Variants in TENT4B observed in about 807,000 individuals in gnomAD.
TENT4B encodes the protein terminal nucleotidyltransferase 4B, also known as PAP associated domain containing 5.
In TENT4B, 10 loss-of-function variants were observed where a neutral mutation model predicts 75.0. The observed-to-expected ratio is 0.13, with a 90% confidence interval of 0.08 to 0.23. TENT4B has a LOEUF of 0.23. Among genes scored for constraint, TENT4B ranks in the 10% least tolerant of loss-of-function variants. TENT4B has a pLI of 1.00. For missense variants in TENT4B, 579 were observed against 893.8 expected (o/e 0.65, Z 4.49); for synonymous variants, 350 against 357.7 (o/e 0.98, Z 0.24).
chr16:50,229,877 TTAA>T lies in TENT4B; in HGVS notation c.*555_*557del, dbSNP rs1415735692. 21 of 912,232 alleles carry T rather than the reference TTAA, an allele frequency of 2.3e-5. No individual in the cohort carries two copies. The highest frequency in any genetic ancestry group is 1.0e-4 in the South Asian group (2 of 19,778). 56.5% of individuals were successfully genotyped at this position (912,232 alleles called of 1,614,324 possible). A position where few individuals can be genotyped will look rare whatever the true frequency, so the allele number is the denominator to read the frequency against. On this transcript the variant is annotated 3_prime_UTR_variant, in exon 12 of 12. Coordinates refer to ENST00000561678, the MANE Select transcript of TENT4B (RefSeq NM_001365324.3). ...ATTGATATTTGTAATAGTGGATTTG[TTAA>T]TAATACTTTTTACATAACATTACTG...
chr16:50,222,691 A>G (rs1240808472), intron 6 of TENT4B, among the ~76,000 whole-genome samples: 3 of 152,236 alleles, frequency 2.0e-5, no homozygotes, highest in African/African-American at 7.2e-5. Context: ...AAATTTTAAC[A>G]TGCAAAATGT....
chr16:50,222,323 A>G lies in TENT4B; in HGVS notation c.1056A>G (p.Pro352=), dbSNP rs758833370. ...KDFTKKYPVL[P]YLVLVLKQFL... ...TTTTTCAGAAATATCCTGTATTGCC[A>G]TACTTGGTTTTAGTATTGAAACAAT... Residue 352 remains proline (P), a synonymous_variant, in exon 6 of 12, where the codon CCA becomes CCG. Transcript: ENST00000561678. 2.9e-5 allele frequency: 46 copies of G among 1,601,752 alleles called. No homozygotes were observed. Among genetic ancestry groups the G allele is most frequent in the Middle Eastern group, 3.3e-4 (2 of 6,062 alleles).
chr16:50,219,614 A>G (rs570324293), intron 5 of TENT4B, among the ~76,000 whole-genome samples: 26 of 152,326 alleles, frequency 1.7e-4, no homozygotes, highest in South Asian at 8.3e-4. Context: ...ATATCCAGAT[A>G]AAATTCTGTT....
intron 1 of TENT4B, among the ~76,000 whole-genome samples, chr16:50,155,272 G>GGTGTGTGTGTGT (rs60683678): frequency 0.048 from 6,539 of 135,364 alleles, 214 homozygotes; most frequent in South Asian, 0.055. Flanking sequence ...GGGTCTCGTG[G>GGTGTGTGTGTGT]GTGTGTGTGT....
rs1392569588 is a variant in TENT4B at position 50,232,319 on chromosome 16, T to C, written c.*2991T>C. 5 of 985,332 alleles carry C rather than the reference T, an allele frequency of 5.1e-6. No homozygotes were observed. Among genetic ancestry groups the C allele is most frequent in the Non-Finnish European group, 6.0e-6 (5 of 829,940 alleles). The allele number at this position is 985,332 out of a possible 1,614,324, so 61.0% of individuals were successfully genotyped here. Reference sequence around the variant, plus strand: ...TTTTACAAGTAATTGCCCTCCAGTCTTCAACAGTTGATTCTGTTTTATTTT... The same window carrying C: ...TTTTACAAGTAATTGCCCTCCAGTCCTCAACAGTTGATTCTGTTTTATTTT... On this transcript the variant is annotated 3_prime_UTR_variant, in exon 12 of 12. Coordinates refer to ENST00000561678, the MANE Select transcript of TENT4B (RefSeq NM_001365324.3).
chr16:50,224,638 AC>A lies in TENT4B; in HGVS notation c.1382-18del. ...TAAGCACAGTCAGGCTTACTATGTT[AC>A]GTATATTTCTTTTAAAGGTAACGAT... is the stretch of plus-strand genomic sequence containing the variant. On this transcript the variant is annotated intron_variant, in intron 7 of 11. Coordinates refer to ENST00000561678, the MANE Select transcript of TENT4B (RefSeq NM_001365324.3). The A allele has an allele frequency of 6.2e-7, 1 of 1,613,620 alleles. No homozygotes were observed. The highest frequency in any genetic ancestry group is 8.5e-7 in the Non-Finnish European group (1 of 1,179,804).
At chr16:50,205,996 AT>A (rs529574931) in intron 1 of TENT4B, among the ~76,000 whole-genome samples, 148 of 152,044 alleles carry the variant, frequency 9.7e-4, no homozygotes, top group African/African-American at 3.3e-3. Context: ...ATATAGCTTT[AT>A]TTTTTTAAGA....
At chr16:50,155,272 G>GGTGTGTGTGTGTGTGT (rs60683678) in intron 1 of TENT4B, among the ~76,000 whole-genome samples, 3,260 of 135,426 alleles carry the variant, frequency 0.024, 101 homozygotes, top group South Asian at 0.032. Context: ...GGGTCTCGTG[G>GGTGTGTGTGTGTGTGT]GTGTGTGTGT....
chr16:50,178,877 AGGTGGATGGT>A (rs2038358266), intron 1 of TENT4B, among the ~76,000 whole-genome samples: 1 of 152,102 alleles, frequency 6.6e-6, no homozygotes, highest in African/African-American at 2.4e-5. Context: ...AAAGTTATGG[AGGTGGATGGT>A]GGTGAGGATT....
At position 50,153,519 on chromosome 16, in the gene TENT4B, G is replaced by GGCA. The variant is rs1555506603; in HGVS notation, c.-88_-86dup. ...CAGCAGCAGCAGCAGCGGCAGCAGC[G>GGCA]GCAGCAGCAGCAGCAGCCGAGGCCG... On this transcript the variant is annotated 5_prime_UTR_variant, in exon 1 of 12. Coordinates refer to ENST00000561678, the MANE Select transcript of TENT4B (RefSeq NM_001365324.3). The GGCA allele has an allele frequency of 3.3e-5, 28 of 842,448 alleles. No homozygotes were observed. Among genetic ancestry groups the GGCA allele is most frequent in the Middle Eastern group, 6.1e-4 (1 of 1,650 alleles). The allele number at this position is 842,448 out of a possible 1,614,324, so 52.2% of individuals were successfully genotyped here.
intron 1 of TENT4B, among the ~76,000 whole-genome samples, chr16:50,202,424 A>G (rs2150724007): frequency 6.6e-6 from 1 of 152,356 alleles, no homozygotes. Flanking sequence ...CATTATTAAT[A>G]TTTAAGAATA....
intron 1 of TENT4B, among the ~76,000 whole-genome samples, chr16:50,197,570 T>C (rs149253298): frequency 1.4e-4 from 21 of 152,314 alleles, no homozygotes; most frequent in Admixed American, 3.9e-4. Context: ...ATTACAGGCG[T>C]GAGCCACCAT....
chr16:50,209,198 A>G (rs913691280), intron 1 of TENT4B, among the ~76,000 whole-genome samples: 7 of 152,184 alleles, frequency 4.6e-5, no homozygotes, highest in Non-Finnish European at 7.3e-5. Flanking sequence ...CAGTTTTTCT[A>G]TGGATCTGCT....
At chr16:50,163,181 A>C (rs1290412389) in intron 1 of TENT4B, among the ~76,000 whole-genome samples, 2 of 152,228 alleles carry the variant, frequency 1.3e-5, no homozygotes, top group Non-Finnish European at 2.9e-5. Flanking sequence ...AGCAAGAATA[A>C]GAATACATAG....
intron 1 of TENT4B, among the ~76,000 whole-genome samples, chr16:50,178,673 C>G (rs914872891): frequency 6.6e-6 from 1 of 152,086 alleles, no homozygotes; most frequent in Non-Finnish European, 1.5e-5. Context: ...ACGTTCAGAT[C>G]ATTATGCTAA....
rs920469695 is a variant in TENT4B, at chr16:50,153,666, G to C, written c.45G>C (p.Pro15=). 3.0e-6 allele frequency: 3 copies of C among 1,014,118 alleles called. No individual in the cohort carries two copies. The highest frequency in any genetic ancestry group is 4.4e-5 in the South Asian group (1 of 22,500). The allele number at this position is 1,014,118 out of a possible 1,614,324, so 62.8% of individuals were successfully genotyped here. The change falls in exon 1 of 12, where the codon CCG becomes CCC. Residue 15 remains proline (P), a synonymous_variant. Transcript: ENST00000561678. ...IAWFQPEQLG[P]SNSLWMQIWE... Reference sequence around the variant, plus strand: ...GGTTTCAGCCAGAGCAGCTCGGACCGTCCAACAGTCTGTGGATGCAGATCT... The same window carrying C: ...GGTTTCAGCCAGAGCAGCTCGGACCCTCCAACAGTCTGTGGATGCAGATCT...
chr16:50,194,763 T>TA (rs1212712378), intron 1 of TENT4B, among the ~76,000 whole-genome samples: 1 of 145,332 alleles, frequency 6.9e-6, no homozygotes, highest in Admixed American at 6.9e-5. Flanking sequence ...TTTTTTTTTT[T>TA]TTTGAGACGG....
At chr16:50,186,677 TA>T (rs1476717874) in intron 1 of TENT4B, among the ~76,000 whole-genome samples, 1 of 152,148 alleles carries the variant, frequency 6.6e-6, no homozygotes, top group Non-Finnish European at 1.5e-5. Flanking sequence ...CCACCATAGC[TA>T]AATCATTTTA....
In TENT4B at chr16:50,154,137, C is replaced by G; in HGVS notation, c.516C>G (p.Leu172=). Residue 172 remains leucine, a synonymous_variant, in exon 1 of 12, where the codon CTC becomes CTG. Transcript: ENST00000561678. ...KRDNKASTYG[L]NYSLLQPSGG... ...ACAACAAGGCCAGCACGTATGGACT[C>G]AACTACAGCCTGCTGCAGCCCAGCG... The G allele has an allele frequency of 6.6e-7, 1 of 1,525,876 alleles. No individual in the cohort carries two copies. The highest frequency in any genetic ancestry group is 8.8e-7 in the Non-Finnish European group (1 of 1,142,698). 94.5% of individuals were successfully genotyped at this position (1,525,876 alleles called of 1,614,324 possible).
Sources: gnomAD v4.1 joint callset for allele counts (sites outside exome capture counted in the v4.1 genomes callset) on GRCh38, gnomAD v4.1.1 for gene constraint, MANE v1.5 for transcripts, NCBI Gene and HGNC (gene_info 2026-07-23, HGNC 2026-07-21) for gene names.